The following SMARCC2 variants were observed in gnomAD, a reference collection of about 807,000 sequenced individuals.
The protein encoded by SMARCC2 is SWI/SNF related BAF chromatin remodeling complex subunit C2.
In SMARCC2, 15 loss-of-function variants were observed where a neutral mutation model predicts 151.3. The observed-to-expected ratio is 0.10, with a 90% confidence interval of 0.07 to 0.15. The LOEUF (loss-of-function observed/expected upper bound fraction) is 0.15. SMARCC2 is among the 10% of genes least tolerant of loss of function. The pLI, the probability that SMARCC2 is intolerant of heterozygous loss-of-function variation, is 1.00. For missense variants in SMARCC2, 1,031 were observed against 1,599.7 expected, an observed-to-expected ratio of 0.64 and a Z score of 6.06; for synonymous variants, 590 against 609.5, an observed-to-expected ratio of 0.97 and a Z score of 0.47.
rs1405404972 is a variant in SMARCC2, at chr12:56,187,336, A to G, written c.112-30T>C. On this transcript the variant is annotated intron_variant, in intron 1 of 28. Coordinates refer to ENST00000550164, the MANE Select transcript of SMARCC2 (RefSeq NM_001330288.2). ...GGAAAAAGAGGGAAAGGAAAGAAAA[A>G]TAGATCTCAGATAAATTGTCCACTA... is the stretch of plus-strand genomic sequence containing the variant. 3 of 1,603,252 alleles carry G rather than the reference A, an allele frequency of 1.9e-6. No homozygotes were observed. In the Admixed American group the frequency reaches 5.0e-5, roughly 27 times the overall value.
intron 17 of SMARCC2, 98 bp from the exon 18 acceptor site, chr12:56,173,127 C>T: frequency 1.0e-6 from 1 of 960,494 alleles, no homozygotes; most frequent in East Asian, 2.5e-5. Flanking sequence ...CCCACAAGCT[C>T]TGGGGGCACT....
Position 56,162,531 on chromosome 12 carries a change from A to G in SMARCC2, c.*1158T>C, listed in dbSNP as rs1189491074. The stretch of plus-strand genomic sequence containing the variant: ...GAGGAACCAAGAAGAACCAGTGCAG[A>G]GCCTGGAGTCACACCTGCCTTCCCG... On this transcript the variant is annotated 3_prime_UTR_variant, in exon 29 of 29. Coordinates refer to ENST00000550164, the MANE Select transcript of SMARCC2 (RefSeq NM_001330288.2). The G allele has an allele frequency of 1.5e-5, 8 of 526,910 alleles. No individual in the cohort carries two copies. Among genetic ancestry groups the G allele is most frequent in the Admixed American group, 3.6e-5 (1 of 27,896 alleles). 32.6% of individuals were successfully genotyped at this position (526,910 alleles called of 1,614,324 possible).
chr12:56,169,503 C>G, intron 25 of SMARCC2, 26 bp downstream of exon 25: 1 of 1,610,748 alleles, frequency 6.2e-7, no homozygotes, highest in Admixed American at 1.7e-5. Flanking sequence ...ATTTTCTTCC[C>G]TGAGGTCTTC....
chr12:56,188,468 G>A (rs1241558942), intron 1 of SMARCC2, among the ~76,000 whole-genome samples: 1 of 152,168 alleles, frequency 6.6e-6, no homozygotes, highest in Non-Finnish European at 1.5e-5. Context: ...TGAGGGTAGT[G>A]AGAAAAAGAG....
Position 56,178,421 on chromosome 12 carries a change from G to A in SMARCC2, c.1293C>T (p.Ala431=), listed in dbSNP as rs1019776255. ...AACCATACCTATTGTAGTCAAACCA[G>A]GCAGCGTAGCTGGGAATGATGATGT... ...THHIIIPSYA[A]WFDYNSVHAI... Residue 431 remains alanine (A), a synonymous_variant, in exon 14 of 29, where the codon GCC becomes GCT. Coordinates refer to ENST00000550164, the MANE Select transcript of SMARCC2 (RefSeq NM_001330288.2). 1 of 1,614,110 alleles carries A rather than the reference G, an allele frequency of 6.2e-7. No homozygotes were observed. Among genetic ancestry groups the A allele is most frequent in the African/African-American group, 1.3e-5 (1 of 74,946 alleles).
chr12:56,181,617 G>A lies in SMARCC2; in HGVS notation c.841-20C>T. On this transcript the variant is annotated intron_variant, in intron 9 of 28. Coordinates refer to ENST00000550164, the MANE Select transcript of SMARCC2 (RefSeq NM_001330288.2). ...GTTCACCTATAGGATGGAGAATCAG[G>A]ACAAATGTCAGCCTACAATCCCCAC... 1 of 1,607,280 alleles carries A rather than the reference G, an allele frequency of 6.2e-7. No individual in the cohort carries two copies. The highest frequency in any genetic ancestry group is 2.2e-5 in the East Asian group (1 of 44,850).
In SMARCC2 at chr12:56,167,951, A is replaced by AACACACAC. The variant is rs56809897; in HGVS notation, c.2850+101_2850+108dup. ...CTGTTGCTTATCTCTCTTTCACTGA[A>AACACACAC]ACACACACACACACACACACACACA... On this transcript the variant is annotated intron_variant, in intron 26 of 28. Coordinates refer to ENST00000550164, the MANE Select transcript of SMARCC2 (RefSeq NM_001330288.2). The AACACACAC allele has an allele frequency of 4.2e-3, 2,917 of 689,400 alleles. 29 individuals carry two copies. Among genetic ancestry groups the AACACACAC allele is most frequent in the East Asian group, 8.6e-3 (234 of 27,304 alleles). The allele number at this position is 689,400 out of a possible 1,614,324, so 42.7% of individuals were successfully genotyped here. A position where few individuals can be genotyped will look rare whatever the true frequency, so the allele number is the denominator to read the frequency against.
chr12:56,183,589 C>G, intron 7 of SMARCC2: 1 of 344,094 alleles, frequency 2.9e-6, no homozygotes, highest in South Asian at 4.8e-5. Context: ...CATTTTCCTA[C>G]TGTTAGACAT....
intron 26 of SMARCC2, among the ~76,000 whole-genome samples, chr12:56,166,512 G>A (rs1872790843): frequency 6.6e-6 from 1 of 151,360 alleles, no homozygotes; most frequent in Non-Finnish European, 1.5e-5. Flanking sequence ...TGTTTCTGAT[G>A]TCTCCATATT....
intron 15 of SMARCC2, among the ~76,000 whole-genome samples, chr12:56,177,476 G>A (rs1875256996): frequency 2.6e-5 from 4 of 151,954 alleles, no homozygotes; most frequent in Admixed American, 2.6e-4. Context: ...TGAACTCCTG[G>A]CCTCAAGGAA....
rs370364299 is a variant in SMARCC2 at position 56,181,537 on chromosome 12, G to A, written c.901C>T (p.Arg301Cys). Residue 301 changes from arginine (R) to cysteine (C), a missense_variant, in exon 10 of 29, where the codon CGC (arginine) becomes TGC (cysteine). By Grantham distance (180) the Arg-to-Cys change is radical (BLOSUM62 -3). This residue lies in a region of SMARCC2 where 127 missense variants were observed against 141.7 expected (regional missense o/e 0.90). Coordinates refer to ENST00000550164, the MANE Select transcript of SMARCC2 (RefSeq NM_001330288.2). ...KKGGNYKKRK[R>C]SPSPSPTPEA... is the part of the protein sequence containing the mutation. ...GGGGTTGGTGAAGGAGAGGGGGAGC[G>A]CTTCCTCTTCTTATAGTTTCCCCCC... The A allele has an allele frequency of 3.8e-6, 6 of 1,579,570 alleles. No individual in the cohort carries two copies. Among genetic ancestry groups the A allele is most frequent in the Non-Finnish European group, 5.1e-6 (6 of 1,165,084 alleles).
chr12:56,173,154 G>A (rs1874274596), intron 17 of SMARCC2, 125 bp from the exon 18 acceptor site: 4 of 727,056 alleles, frequency 5.5e-6, no homozygotes, highest in African/African-American at 1.8e-5. Flanking sequence ...ACTGTTCCAT[G>A]TTCCCTTCAT....
In SMARCC2 at chr12:56,186,245, A is replaced by C; in HGVS notation, c.232-5T>G. ...GAAATCTAGGAAACATTTGATCTACAAAATCAAGATACGGAAAAAGCATGT... is the reference window on the plus strand; with the variant it reads ...GAAATCTAGGAAACATTTGATCTACCAAATCAAGATACGGAAAAAGCATGT... On this transcript the variant is annotated splice_region_variant and splice_polypyrimidine_tract_variant and intron_variant, in intron 2 of 28. Coordinates refer to ENST00000550164, the MANE Select transcript of SMARCC2 (RefSeq NM_001330288.2). The C allele has an allele frequency of 6.3e-7, 1 of 1,586,768 alleles. No individual in the cohort carries two copies. The highest frequency in any genetic ancestry group is 8.7e-7 in the Non-Finnish European group (1 of 1,155,104).
chr12:56,173,864 G>A lies in SMARCC2; in HGVS notation c.1497-15C>T. On this transcript the variant is annotated splice_polypyrimidine_tract_variant and intron_variant, in intron 16 of 28. Transcript: ENST00000550164. ...AGGCATGGACCCTGTGCAGAGAGAG[G>A]CAGAGACAGGGTCACACGGATAGCC... 1 of 1,607,602 alleles carries A rather than the reference G, an allele frequency of 6.2e-7. No homozygotes were observed. The highest frequency in any genetic ancestry group is 8.5e-7 in the Non-Finnish European group (1 of 1,175,964).
intron 3 of SMARCC2, chr12:56,185,554 C>A (rs926196603): frequency 1.1e-5 from 2 of 179,404 alleles, no homozygotes; most frequent in Non-Finnish European, 2.4e-5. Flanking sequence ...TCTTGGCCAG[C>A]TGCAACCTCT....
At chr12:56,174,995 A>G (rs1351766902) in intron 15 of SMARCC2, among the ~76,000 whole-genome samples, 1 of 152,048 alleles carries the variant, frequency 6.6e-6, no homozygotes, top group Non-Finnish European at 1.5e-5. Flanking sequence ...CTCCTTGGCT[A>G]TACTTAGGGA....
chr12:56,183,999 G>T, intron 6 of SMARCC2, 69 bp from the exon 7 acceptor site: 1 of 1,244,522 alleles, frequency 8.0e-7, no homozygotes, highest in Non-Finnish European at 1.2e-6. Flanking sequence ...CTGTACAAAA[G>T]CCCTAACTAA....
intron 22 of SMARCC2, among the ~76,000 whole-genome samples, chr12:56,170,736 T>TTA (rs1409624097): frequency 2.1e-5 from 3 of 140,704 alleles, no homozygotes; most frequent in Admixed American, 7.1e-5. Flanking sequence ...TTTTTTTTTT[T>TTA]TTTTTTTTTT....
chr12:56,164,201 T>G, intron 28 of SMARCC2, 102 bp downstream of exon 28: 1 of 1,029,778 alleles, frequency 9.7e-7, no homozygotes, highest in Non-Finnish European at 1.4e-6. Context: ...CAAAAAGGAT[T>G]GTGGAAACTC....
Sources: gnomAD v4.1 joint callset for allele counts (sites outside exome capture counted in the v4.1 genomes callset) on GRCh38, gnomAD v4.1.1 for gene constraint, gnomAD v4.1.1 regional missense constraint, MANE v1.5 for transcripts, NCBI Gene and HGNC (gene_info 2026-07-23, HGNC 2026-07-21) for gene names.